Variants in DOCK3 observed in about 807,000 individuals in gnomAD.
The protein encoded by DOCK3 is dedicator of cytokinesis 3, also known as dedicator of cytokinesis protein 3.
A neutral mutation model predicts 265.6 loss-of-function variants in DOCK3; 60 were observed. The ratio of observed to expected loss-of-function variants is 0.23; its 90% CI spans 0.18 to 0.28. DOCK3 has a LOEUF of 0.28. Among genes scored for constraint, DOCK3 ranks in the 10% least tolerant of loss-of-function variants. The pLI, the probability that DOCK3 is intolerant of heterozygous loss-of-function variation, is 1.00. For missense variants in DOCK3, 1,981 were observed against 2,594.3 expected, an observed-to-expected ratio of 0.76 and a Z score of 5.14; for synonymous variants, 881 against 938.0, an observed-to-expected ratio of 0.94 and a Z score of 1.11.
intron 12 of DOCK3, among the ~76,000 whole-genome samples, chr3:51,196,365 A>G (rs988848679): frequency 1.3e-5 from 2 of 152,202 alleles, no homozygotes; most frequent in East Asian, 1.9e-4. Flanking sequence ...CAGTCTAACT[A>G]TAATGTGCTG....
In DOCK3 at chr3:51,146,630, A is replaced by T. The variant is rs1262703597; in HGVS notation, c.828A>T (p.Thr276=). ...TAGAACGAATGTGTGCCCTTTTTAC[A>T]GTATGTACGAATTCTCTTTTTCTTC... ...EKIERMCALF[T]DLSSKDMKRD... is the part of the protein sequence containing the mutation. The change falls in exon 10 of 53, where the codon ACA becomes ACT. Residue 276 remains threonine, a splice_region_variant and synonymous_variant. Coordinates refer to ENST00000266037, the MANE Select transcript of DOCK3 (RefSeq NM_004947.5). 6.3e-7 allele frequency: 1 copy of T among 1,578,736 alleles called. No homozygotes were observed. Among genetic ancestry groups the T allele is most frequent in the Non-Finnish European group, 8.6e-7 (1 of 1,161,016 alleles).
chr3:51,202,618 A>G (rs1436493133), intron 12 of DOCK3, among the ~76,000 whole-genome samples: 3 of 152,168 alleles, frequency 2.0e-5, no homozygotes, highest in Non-Finnish European at 4.4e-5. Context: ...ATTCCTTCTG[A>G]AACTATTCCA....
In DOCK3 at chr3:51,380,157, C is replaced by T; in HGVS notation, c.5533C>T (p.His1845Tyr). 6.2e-7 allele frequency: 1 copy of T among 1,613,732 alleles called. No homozygotes were observed. Among genetic ancestry groups the T allele is most frequent in the Non-Finnish European group, 8.5e-7 (1 of 1,179,766 alleles). Reference protein sequence around the residue: ...HYSLHFDAFHHPLGDTPPALP... With the variant: ...HYSLHFDAFHYPLGDTPPALP... ...CTCCCTACACTTTGACGCCTTCCAC[C>T]ACCCTCTGGGTGATACCCCCCCAGC... The change falls in exon 52 of 53, where the codon CAC becomes TAC. Residue 1845 changes from histidine (H) to tyrosine (Y), a missense_variant. Physicochemically the swap from His to Tyr is moderately conservative, Grantham distance 83. Around this residue, in one of 4 missense-constraint regions of DOCK3, gnomAD observed 1,357 missense variants for 1,866.8 expected, o/e 0.73. Transcript: ENST00000266037.
rs9876356 is a variant in DOCK3, at chr3:51,197,044, A to G, written c.1038-11730A>G. Reference sequence around the variant, plus strand: ...AAGACCTTTTCCTAAAGATGTGTCTATGGTGTTGGTTGGGTAGGGTACTTT... The same window carrying G: ...AAGACCTTTTCCTAAAGATGTGTCTGTGGTGTTGGTTGGGTAGGGTACTTT... On this transcript the variant is annotated intron_variant, in intron 12 of 52. Transcript: ENST00000266037. Among the ~76,000 whole-genome samples, 568 of 151,506 alleles carry G rather than the reference A, an allele frequency of 3.7e-3. 4 individuals carry two copies. The highest frequency in any genetic ancestry group is 0.013 in the African/African-American group (543 of 41,274).
intron 2 of DOCK3, among the ~76,000 whole-genome samples, chr3:50,834,274 G>A (rs1011365215): frequency 2.6e-5 from 4 of 151,866 alleles, no homozygotes; most frequent in Non-Finnish European, 5.9e-5. Flanking sequence ...TTTTTGAAGA[G>A]GATCTAAACA....
At chr3:50,994,707 G>A (rs1399307283) in intron 5 of DOCK3, among the ~76,000 whole-genome samples, 1 of 152,230 alleles carries the variant, frequency 6.6e-6, no homozygotes, top group Non-Finnish European at 1.5e-5. Context: ...GGATTGCAGA[G>A]TGAGGTTATG....
At chr3:51,229,676 C>A in intron 19 of DOCK3, 67 bp downstream of exon 19, 2 of 1,257,520 alleles carry the variant, frequency 1.6e-6, no homozygotes, top group South Asian at 4.5e-5. Context: ...CTTACTTTGT[C>A]ATGATTTTTG....
intron 52 of DOCK3, 48 bp downstream of exon 52, chr3:51,380,255 T>C (rs781955831): frequency 3.5e-5 from 55 of 1,553,290 alleles, no homozygotes; most frequent in Non-Finnish European, 4.7e-5. Context: ...ATGAGTCATC[T>C]CGTCTGCTCT....
At chr3:50,893,327 C>A in intron 4 of DOCK3, 1 of 208,240 alleles carries the variant, frequency 4.8e-6, no homozygotes, top group Non-Finnish European at 9.9e-6. Flanking sequence ...TTAAAGATTA[C>A]TTAACTAAAT....
chr3:50,749,229 C>A (rs1453745568), intron 1 of DOCK3, among the ~76,000 whole-genome samples: 2 of 152,118 alleles, frequency 1.3e-5, no homozygotes, highest in Non-Finnish European at 2.9e-5. Context: ...TATTGTTTTG[C>A]TTCCCTAGCC....
intron 9 of DOCK3, among the ~76,000 whole-genome samples, chr3:51,095,850 G>GAA (rs2082826108): frequency 1.5e-3 from 1 of 660 alleles, no homozygotes; most frequent in African/African-American, 7.9e-3. Flanking sequence ...AATAAGGTTA[G>GAA]CAAAAAAAAA....
Position 50,722,436 on chromosome 3 carries a change from A to G in DOCK3, c.37+47136A>G, listed in dbSNP as rs7640779. On this transcript the variant is annotated intron_variant, in intron 1 of 52. Transcript: ENST00000266037. Reference sequence around the variant, plus strand: ...AAAAAGTTCTGATCTAGCATCTAAAACATTTGAAGCACTGGTGAAATAAAT... The same window carrying G: ...AAAAAGTTCTGATCTAGCATCTAAAGCATTTGAAGCACTGGTGAAATAAAT... 4.6e-3 allele frequency among the ~76,000 whole-genome samples: 702 copies of G among 152,312 alleles called. 4 individuals carry two copies. The highest frequency in any genetic ancestry group is 0.016 in the African/African-American group (665 of 41,560).
intron 2 of DOCK3, among the ~76,000 whole-genome samples, chr3:50,839,899 G>A (rs1279779688): frequency 6.6e-6 from 1 of 151,128 alleles, no homozygotes; most frequent in Non-Finnish European, 1.5e-5. Context: ...CTCCTGAGTA[G>A]CTGGGATTAC....
intron 2 of DOCK3, among the ~76,000 whole-genome samples, chr3:50,837,492 A>G (rs2045578160): frequency 2.0e-5 from 3 of 152,250 alleles, no homozygotes; most frequent in Admixed American, 1.3e-4. Flanking sequence ...ATCTTGTGGG[A>G]ACTCACTATT....
At chr3:51,019,599 A>G (rs751164819) in intron 5 of DOCK3, among the ~76,000 whole-genome samples, 6 of 151,860 alleles carry the variant, frequency 4.0e-5, no homozygotes, top group African/African-American at 4.9e-5. Context: ...TCTATCAGCT[A>G]TTCTTCCTGA....
intron 9 of DOCK3, among the ~76,000 whole-genome samples, chr3:51,112,973 G>C (rs577184216): frequency 6.6e-6 from 1 of 152,280 alleles, no homozygotes; most frequent in South Asian, 2.1e-4. Flanking sequence ...CTAATACAGT[G>C]CTGATTTGAA....
At chr3:51,098,786 G>A (rs2082968392) in intron 9 of DOCK3, among the ~76,000 whole-genome samples, 1 of 152,178 alleles carries the variant, frequency 6.6e-6, no homozygotes, top group African/African-American at 2.4e-5. Context: ...GATTTTCTGT[G>A]AGTTCCAGCA....
chr3:50,986,972 G>A (rs191310029), intron 5 of DOCK3, among the ~76,000 whole-genome samples: 3 of 152,290 alleles, frequency 2.0e-5, no homozygotes, highest in African/African-American at 2.4e-5. Context: ...AACTCTGTCC[G>A]TTCTCCAGGC....
chr3:50,703,531 T>C lies in DOCK3; in HGVS notation c.37+28231T>C, dbSNP rs188511542. Among the ~76,000 whole-genome samples the C allele has an allele frequency of 2.6e-3, 399 of 152,214 alleles. 3 individuals are homozygous for C. Among genetic ancestry groups the C allele is most frequent in the South Asian group, 5.8e-3 (28 of 4,818 alleles). Reference sequence around the variant, plus strand: ...TACTTACTATTGGTCTGTTCAGGTTTTGTTTTTTTCTTGGTTCAGTCTTGG... The same window carrying C: ...TACTTACTATTGGTCTGTTCAGGTTCTGTTTTTTTCTTGGTTCAGTCTTGG... On this transcript the variant is annotated intron_variant, in intron 1 of 52. Transcript: ENST00000266037.
Sources: allele counts gnomAD v4.1 joint callset (sites outside exome capture counted in the v4.1 genomes callset), GRCh38; gene constraint gnomAD v4.1.1; regional missense constraint gnomAD v4.1.1; transcripts MANE v1.5; gene names NCBI Gene and HGNC (gene_info 2026-07-23, HGNC 2026-07-21).